Variants in TSHZ2 observed in about 807,000 individuals in gnomAD.
TSHZ2 encodes teashirt homolog 2.
Under a neutral mutation model 74.4 loss-of-function variants are expected in TSHZ2, and 21 were observed. That is an observed-to-expected ratio of 0.28 (90% CI 0.20 to 0.41). The LOEUF (loss-of-function observed/expected upper bound fraction) is 0.41, where lower values mean the gene tolerates loss of function less well. TSHZ2 is among the 10% of genes least tolerant of loss of function. The pLI, the probability that TSHZ2 is intolerant of heterozygous loss-of-function variation, is 1.00. For synonymous variants in TSHZ2, 540 were observed against 515.3 expected, an observed-to-expected ratio of 1.05 and a Z score of -0.65; for missense variants, 1,244 against 1,293.5, an observed-to-expected ratio of 0.96 and a Z score of 0.59.
chr20:53,360,211 A>G (rs921772030), intron 2 of TSHZ2, among the ~76,000 whole-genome samples: 3 of 152,246 alleles, frequency 2.0e-5, no homozygotes, highest in African/African-American at 7.2e-5. Flanking sequence ...TAAATCTAAC[A>G]TATAAGACAG....
At chr20:52,975,527 GT>G (rs1280329757) in intron 1 of TSHZ2, among the ~76,000 whole-genome samples, 2 of 151,976 alleles carry the variant, frequency 1.3e-5, no homozygotes, top group East Asian at 1.9e-4. Flanking sequence ...GTGGGGGTGT[GT>G]GTGTGTGTGT....
chr20:53,240,552 G>A (rs1990039352), intron 1 of TSHZ2, among the ~76,000 whole-genome samples: 1 of 152,088 alleles, frequency 6.6e-6, no homozygotes, highest in African/African-American at 2.4e-5. Context: ...TGCATATAAG[G>A]AGATGCTTTT....
chr20:53,433,940 C>G (rs948822311), intron 2 of TSHZ2, among the ~76,000 whole-genome samples: 8 of 152,188 alleles, frequency 5.3e-5, no homozygotes, highest in African/African-American at 1.9e-4. Context: ...GCAATCTTGG[C>G]TCACGGCAAC....
At chr20:53,054,630 C>T (rs1161968463) in intron 1 of TSHZ2, among the ~76,000 whole-genome samples, 11 of 152,118 alleles carry the variant, frequency 7.2e-5, no homozygotes, top group Non-Finnish European at 2.9e-5. Context: ...GAGTCTTTGC[C>T]GCCCTAGGAG....
intron 2 of TSHZ2, among the ~76,000 whole-genome samples, chr20:53,353,219 C>T (rs532664548): frequency 3.9e-4 from 60 of 152,184 alleles, no homozygotes; most frequent in South Asian, 8.3e-4. Flanking sequence ...GGAAGATTTC[C>T]CCTGAGGCTG....
At chr20:53,242,714 T>C (rs1308348932) in intron 1 of TSHZ2, among the ~76,000 whole-genome samples, 1 of 152,210 alleles carries the variant, frequency 6.6e-6, no homozygotes, top group Non-Finnish European at 1.5e-5. Context: ...TGTTGTTCTC[T>C]ATGGCTTGAA....
At chr20:53,189,122 G>A (rs868777017) in intron 1 of TSHZ2, among the ~76,000 whole-genome samples, 125 of 152,294 alleles carry the variant, frequency 8.2e-4, no homozygotes, top group African/African-American at 2.7e-3. Flanking sequence ...CAAATGTAAC[G>A]AGAAAAACTT....
chr20:52,985,792 G>C (rs978500455), intron 1 of TSHZ2, among the ~76,000 whole-genome samples: 1 of 152,184 alleles, frequency 6.6e-6, no homozygotes, highest in African/African-American at 2.4e-5. Flanking sequence ...ACGGGGAAAG[G>C]TTAGAGAGCA....
At chr20:53,099,911 C>T (rs1042607869) in intron 1 of TSHZ2, among the ~76,000 whole-genome samples, 3 of 152,124 alleles carry the variant, frequency 2.0e-5, no homozygotes, top group African/African-American at 7.2e-5. Context: ...TATTACTTCT[C>T]CTCTACACAC....
chr20:53,014,446 A>G (rs1293339505), intron 1 of TSHZ2, among the ~76,000 whole-genome samples: 1 of 152,076 alleles, frequency 6.6e-6, no homozygotes, highest in Non-Finnish European at 1.5e-5. Context: ...ATGCAGAAAA[A>G]TTTCTTCACC....
At chr20:53,238,932 C>T (rs1990003228) in intron 1 of TSHZ2, among the ~76,000 whole-genome samples, 1 of 151,130 alleles carries the variant, frequency 6.6e-6, no homozygotes, top group South Asian at 2.1e-4. Context: ...TTAATTCATC[C>T]AAACTGCAAA....
intron 1 of TSHZ2, among the ~76,000 whole-genome samples, chr20:53,187,661 A>C (rs1988632303): frequency 6.6e-6 from 1 of 151,840 alleles, no homozygotes; most frequent in Non-Finnish European, 1.5e-5. Context: ...CTCAAGCTCC[A>C]CATGGCTGCA....
At chr20:53,177,755 C>T (rs1484734047) in intron 1 of TSHZ2, among the ~76,000 whole-genome samples, 1 of 150,982 alleles carries the variant, frequency 6.6e-6, no homozygotes, top group African/African-American at 2.4e-5. Flanking sequence ...GGTCATGGAC[C>T]CACACATAAT....
At chr20:53,238,363 G>A (rs1003067871) in intron 1 of TSHZ2, among the ~76,000 whole-genome samples, 2 of 152,114 alleles carry the variant, frequency 1.3e-5, no homozygotes, top group African/African-American at 4.8e-5. Context: ...GTATGTCTGT[G>A]AGGACCAAGG....
chr20:53,276,980 C>T (rs1990960550), intron 2 of TSHZ2, among the ~76,000 whole-genome samples: 1 of 152,168 alleles, frequency 6.6e-6, no homozygotes, highest in African/African-American at 2.4e-5. Flanking sequence ...TGACCTATTA[C>T]AGGGGCTAAA....
At chr20:53,037,495 T>C (rs969969209) in intron 1 of TSHZ2, among the ~76,000 whole-genome samples, 33 of 152,226 alleles carry the variant, frequency 2.2e-4, no homozygotes, top group Non-Finnish European at 4.4e-5. Context: ...AAAAATTCTA[T>C]AGATCTTCAA....
At chr20:53,392,980 G>A (rs368764017) in intron 2 of TSHZ2, among the ~76,000 whole-genome samples, 3 of 152,146 alleles carry the variant, frequency 2.0e-5, no homozygotes. Flanking sequence ...ATTACCGCAT[G>A]CACCACCACG....
chr20:53,106,143 A>C (rs1359918449), intron 1 of TSHZ2, among the ~76,000 whole-genome samples: 1 of 152,110 alleles, frequency 6.6e-6, no homozygotes, highest in African/African-American at 2.4e-5. Context: ...ACATATTATT[A>C]TTAATTGCAG....
intron 1 of TSHZ2, among the ~76,000 whole-genome samples, chr20:53,213,950 T>A (rs1271206064): frequency 6.6e-6 from 1 of 152,164 alleles, no homozygotes; most frequent in Non-Finnish European, 1.5e-5. Context: ...CTCTTCAATA[T>A]AGGACATTGT....
Sources: gnomAD v4.1 joint callset for allele counts (sites outside exome capture counted in the v4.1 genomes callset) on GRCh38, gnomAD v4.1.1 for gene constraint, MANE v1.5 for transcripts, NCBI Gene and HGNC (gene_info 2026-07-23, HGNC 2026-07-21) for gene names.